Variants in ANKRD34B observed in about 807,000 individuals in gnomAD.
ANKRD34B encodes the protein ankyrin repeat domain-containing protein 34B.
ANKRD34B carries 2 observed loss-of-function variants against 4.4 expected under a neutral mutation model. The ratio of observed to expected loss-of-function variants is 0.46; its 90% confidence interval spans 0.19 to 1.44. The LOEUF (loss-of-function observed/expected upper bound fraction) is 1.44, where lower values mean the gene tolerates loss of function less well. Ranked by LOEUF, ANKRD34B falls within the 40% of genes most tolerant of loss-of-function variation. ANKRD34B has a pLI of 0.26. For synonymous variants in ANKRD34B, 226 were observed against 227.1 expected (o/e 0.99, Z 0.05); for missense variants, 558 against 604.7 (o/e 0.92, Z 0.81).
chr5:80,568,278 G>A (rs560147719), intron 2 of ANKRD34B, among the ~76,000 whole-genome samples: 2 of 152,146 alleles, frequency 1.3e-5, no homozygotes, highest in African/African-American at 4.8e-5. Flanking sequence ...CTCATTCCAG[G>A]CCACTTCCTG....
chr5:80,560,540 A>C (rs558305945), intron 4 of ANKRD34B, among the ~76,000 whole-genome samples: 1 of 152,238 alleles, frequency 6.6e-6, no homozygotes, highest in East Asian at 1.9e-4. Context: ...TGTGACCTGT[A>C]GTTCCAGCTA....
Position 80,558,259 on chromosome 5 carries a change from G to A in ANKRD34B, c.*216C>T, listed in dbSNP as rs1244478612. Reference sequence around the variant, plus strand: ...AATATTAGAAGCATTGAGAAAAATCGCTTTCCTTTTGTTTGAGAGAATTCC... The same window carrying A: ...AATATTAGAAGCATTGAGAAAAATCACTTTCCTTTTGTTTGAGAGAATTCC... On this transcript the variant is annotated 3_prime_UTR_variant, in exon 5 of 5. Transcript: ENST00000338682. 2.0e-5 allele frequency: 7 copies of A among 355,932 alleles called. No individual in the cohort carries two copies. The highest frequency in any genetic ancestry group is 1.0e-4 in the African/African-American group (5 of 47,832). The allele number at this position is 355,932 out of a possible 1,614,324, so 22.0% of individuals were successfully genotyped here. A position where few individuals can be genotyped will look rare whatever the true frequency, so the allele number is the denominator to read the frequency against.
chr5:80,558,523 CCTT>C lies in ANKRD34B; in HGVS notation c.1494_1496del (p.Arg500del), dbSNP rs755237727. Reference sequence around the variant, plus strand: ...TTTGTTCAGTTTGCAATGATTGTCTCCTTAACAACATTTTCTTACTTTTGAATT... The same window carrying C: ...TTTGTTCAGTTTGCAATGATTGTCTCAACAACATTTTCTTACTTTTGAATT... On this transcript the variant is annotated inframe_deletion, in exon 5 of 5. Transcript: ENST00000338682. 11 of 1,613,852 alleles carry C rather than the reference CCTT, an allele frequency of 6.8e-6. No homozygotes were observed. Among genetic ancestry groups the C allele is most frequent in the Non-Finnish European group, 7.6e-6 (9 of 1,179,972 alleles).
chr5:80,564,627 C>T (rs1018231971), intron 3 of ANKRD34B, among the ~76,000 whole-genome samples: 11 of 151,772 alleles, frequency 7.2e-5, no homozygotes, highest in African/African-American at 2.2e-4. Flanking sequence ...GGGGGAGTGT[C>T]CAGCAAAACC....
In ANKRD34B at chr5:80,566,571, C is replaced by G. The variant is rs138650840; in HGVS notation, c.-105+118G>C. The G allele has an allele frequency of 2.1e-3, 315 of 152,718 alleles. 1 individual carries two copies. The highest frequency in any genetic ancestry group is 3.3e-3 in the Non-Finnish European group (224 of 68,024). 9.5% of individuals were successfully genotyped at this position (152,718 alleles called of 1,614,324 possible). On this transcript the variant is annotated intron_variant, in intron 3 of 4. Coordinates refer to ENST00000338682, the MANE Select transcript of ANKRD34B (RefSeq NM_001004441.3). ...GAAGCCAGGAAAAGGAAGTAAGACA[C>G]ATTGCATCTTGGAAAGATGAGCCCT...
At chr5:80,565,774 C>A (rs1290601026) in intron 3 of ANKRD34B, among the ~76,000 whole-genome samples, 1 of 152,096 alleles carries the variant, frequency 6.6e-6, no homozygotes, top group Admixed American at 6.5e-5. Flanking sequence ...TTTTAAGGAT[C>A]TCATATTTCT....
In ANKRD34B at chr5:80,558,712, A is replaced by AG; in HGVS notation, c.1307dup (p.Leu437PhefsTer53). 1 of 1,614,190 alleles carries AG rather than the reference A, an allele frequency of 6.2e-7. No individual in the cohort carries two copies. Among genetic ancestry groups the AG allele is most frequent in the East Asian group, 2.2e-5 (1 of 44,876 alleles). ...TGGTTTGGGTAACACTGTGATCTAAAGGGAAAGCTCCTGAACCTCGCCTTT... is the reference window on the plus strand; with the variant it reads ...TGGTTTGGGTAACACTGTGATCTAAAGGGGAAAGCTCCTGAACCTCGCCTTT... On this transcript the variant is annotated frameshift_variant, in exon 5 of 5. Transcript: ENST00000338682. LOFTEE classifies it high-confidence loss of function.
At chr5:80,563,482 T>C (rs2112714457) in intron 4 of ANKRD34B, among the ~76,000 whole-genome samples, 1 of 152,348 alleles carries the variant, frequency 6.6e-6, no homozygotes, top group East Asian at 1.9e-4. Flanking sequence ...GGTCTTCCTT[T>C]TAAAAGAGTC....
At chr5:80,568,919 C>CAGAG (rs1366279474) in intron 2 of ANKRD34B, 41 bp downstream of exon 2, 2 of 78,796 alleles carry the variant, frequency 2.5e-5, no homozygotes, top group Non-Finnish European at 5.9e-5. Flanking sequence ...CACACACACA[C>CAGAG]ACACACAGAG....
At position 80,557,741 on chromosome 5, in the gene ANKRD34B, A is replaced by G. The variant is rs1464885905; in HGVS notation, c.*734T>C. 1 of 152,166 alleles carries G rather than the reference A, an allele frequency of 6.6e-6. No homozygotes were observed. Among genetic ancestry groups the G allele is most frequent in the African/African-American group, 2.4e-5 (1 of 41,440 alleles). 9.4% of individuals were successfully genotyped at this position (152,166 alleles called of 1,614,324 possible). ...GGAGAAAGAATAATTCCGTAAGATA[A>G]CTTTACAGGTAAGTCTGTTTAAAAA... On this transcript the variant is annotated 3_prime_UTR_variant, in exon 5 of 5. Transcript: ENST00000338682.
chr5:80,561,543 C>T (rs553469656), intron 4 of ANKRD34B, among the ~76,000 whole-genome samples: 1 of 152,256 alleles, frequency 6.6e-6, no homozygotes, highest in East Asian at 1.9e-4. Flanking sequence ...CTACAAGCTC[C>T]TGACATGTGC....
chr5:80,560,873 C>T (rs963192624), intron 4 of ANKRD34B, among the ~76,000 whole-genome samples: 2 of 151,952 alleles, frequency 1.3e-5, no homozygotes, highest in African/African-American at 2.4e-5. Flanking sequence ...TTTTGAAGGA[C>T]GAAATATTGT....
rs762566361 is a variant in ANKRD34B, at chr5:80,559,833, T to TACTG, written c.183_186dup (p.Lys63GlnfsTer2). 6.2e-7 allele frequency: 1 copy of TACTG among 1,614,096 alleles called. No homozygotes were observed. The highest frequency in any genetic ancestry group is 8.5e-7 in the Non-Finnish European group (1 of 1,180,036). On this transcript the variant is annotated frameshift_variant, in exon 5 of 5. Transcript: ENST00000338682. LOFTEE classifies it low-confidence loss of function (END_TRUNC). ...AACAGGTATTTCACCATTTTGGCTT[T>TACTG]ACTGACACTCTGGTGATCGACATGT...
chr5:80,567,707 G>A (rs1746618548), intron 2 of ANKRD34B, among the ~76,000 whole-genome samples: 1 of 150,472 alleles, frequency 6.6e-6, no homozygotes, highest in South Asian at 2.1e-4. Context: ...TAGGATCCAC[G>A]CTTCCTCTCA....
At position 80,558,555 on chromosome 5, in the gene ANKRD34B, T is replaced by C; in HGVS notation, c.1465A>G (p.Lys489Glu). Reference protein sequence around the residue: ...VLMPTVPIFPKEFKSKKMLLR... With the variant: ...VLMPTVPIFPEEFKSKKMLLR... ...AACATTTTCTTACTTTTGAATTCTTTAGGGAAAATCGGAACTGTTGGCATA... is the reference window on the plus strand; with the variant it reads ...AACATTTTCTTACTTTTGAATTCTTCAGGGAAAATCGGAACTGTTGGCATA... Residue 489 changes from lysine to glutamate, a missense_variant, in exon 5 of 5, where the codon AAA (lysine) becomes GAA (glutamate). Transcript: ENST00000338682. 1 of 1,614,150 alleles carries C rather than the reference T, an allele frequency of 6.2e-7. No individual in the cohort carries two copies. Among genetic ancestry groups the C allele is most frequent in the Non-Finnish European group, 8.5e-7 (1 of 1,180,014 alleles).
intron 4 of ANKRD34B, among the ~76,000 whole-genome samples, chr5:80,561,879 T>TACTTAG (rs1561393889): frequency 1.3e-5 from 2 of 152,076 alleles, no homozygotes; most frequent in African/African-American, 4.8e-5. Flanking sequence ...TTTTAGCAGA[T>TACTTAG]AGTTAGGGTT....
In ANKRD34B at chr5:80,557,862, A is replaced by G. The variant is rs1382295845; in HGVS notation, c.*613T>C. 1 of 152,230 alleles carries G rather than the reference A, an allele frequency of 6.6e-6. No individual in the cohort carries two copies. The highest frequency in any genetic ancestry group is 1.5e-5 in the Non-Finnish European group (1 of 68,040). The allele number at this position is 152,230 out of a possible 1,614,324, so 9.4% of individuals were successfully genotyped here. On this transcript the variant is annotated 3_prime_UTR_variant, in exon 5 of 5. Transcript: ENST00000338682. ...AACTCTGACTTGCCAGTTTGACACT[A>G]ATTAAACTGACACCACGAATATTTT...
chr5:80,568,930 A>AGAGAGG (rs1400126428), intron 2 of ANKRD34B, 30 bp downstream of exon 2: 1 of 127,280 alleles, frequency 7.9e-6, no homozygotes, highest in Admixed American at 7.7e-5. Context: ...ACACACAGAG[A>AGAGAGG]GAGAGAGAGA....
chr5:80,563,113 T>A (rs948564265), intron 4 of ANKRD34B, among the ~76,000 whole-genome samples: 1 of 152,212 alleles, frequency 6.6e-6, no homozygotes, highest in African/African-American at 2.4e-5. Flanking sequence ...AAAAAATAAA[T>A]AATTATTTTA....
Sources: allele counts gnomAD v4.1 joint callset (sites outside exome capture counted in the v4.1 genomes callset), GRCh38; gene constraint gnomAD v4.1.1; transcripts MANE v1.5; gene names NCBI Gene and HGNC (gene_info 2026-07-23, HGNC 2026-07-21).